FOXP1: variants seen among roughly 807,000 people sequenced by gnomAD.
The protein encoded by FOXP1 is forkhead box protein P1.
FOXP1 carries 15 observed loss-of-function variants against 98.2 expected under a neutral mutation model. That is an observed-to-expected ratio of 0.15 (90% confidence interval 0.10 to 0.24). The LOEUF (loss-of-function observed/expected upper bound fraction) is 0.24, where lower values mean the gene tolerates loss of function less well. Ranked by LOEUF, FOXP1 falls within the 10% of genes least tolerant of loss-of-function variation. FOXP1 has a pLI of 1.00. For missense variants in FOXP1, 633 were observed against 848.5 expected, an observed-to-expected ratio of 0.75 and a Z score of 3.15; for synonymous variants, 371 against 314.5, an observed-to-expected ratio of 1.18 and a Z score of -1.90.
chr3:71,251,367 C>T (rs994708592), intron 5 of FOXP1, among the ~76,000 whole-genome samples: 1 of 152,196 alleles, frequency 6.6e-6, no homozygotes, highest in Non-Finnish European at 1.5e-5. Context: ...AAAATGCACA[C>T]AATTCAGGTG....
At chr3:70,998,623 T>A (rs2041710612) in intron 13 of FOXP1, among the ~76,000 whole-genome samples, 3 of 152,166 alleles carry the variant, frequency 2.0e-5, no homozygotes, top group Admixed American at 1.3e-4. Context: ...TCTGGCCAGA[T>A]CATCTTTGAT....
intron 7 of FOXP1, among the ~76,000 whole-genome samples, chr3:71,096,766 A>C (rs1011600040): frequency 1.8e-4 from 28 of 152,208 alleles, no homozygotes; most frequent in African/African-American, 5.8e-4. Flanking sequence ...CAGAAGGACG[A>C]GAGTAAAGTG....
At chr3:71,574,247 A>G (rs780367438) in intron 2 of FOXP1, 36 of 152,360 alleles carry the variant, frequency 2.4e-4, no homozygotes, top group Non-Finnish European at 4.3e-4. Context: ...TTTGGCAGCT[A>G]TTAAAATAAA....
intron 2 of FOXP1, among the ~76,000 whole-genome samples, chr3:71,534,094 T>C (rs2044088438): frequency 6.6e-6 from 1 of 152,182 alleles, no homozygotes. Flanking sequence ...CTGTGCGCGG[T>C]GGCAAACGCC....
intron 6 of FOXP1, among the ~76,000 whole-genome samples, chr3:71,128,636 G>C (rs143638815): frequency 6.6e-6 from 1 of 152,032 alleles, no homozygotes; most frequent in Non-Finnish European, 1.5e-5. Context: ...TATAGCCTTC[G>C]ACAAAACGGT....
chr3:71,164,856 C>G (rs1157566590), intron 6 of FOXP1, among the ~76,000 whole-genome samples: 1 of 152,178 alleles, frequency 6.6e-6, no homozygotes, highest in African/African-American at 2.4e-5. Context: ...CAATGTCCCC[C>G]CTCTTCCTAC....
rs191567137 is a variant in FOXP1 at position 71,162,830 on chromosome 3, T to C, written c.180+35372A>G. On this transcript the variant is annotated intron_variant, in intron 6 of 20. Coordinates refer to ENST00000649528, the MANE Select transcript of FOXP1 (RefSeq NM_001349338.3). ...CCTTGTCTACTGATAGTCTAGCTAC[T>C]GGGTACTTGAGTTGAAGGCTGATCT... 4.6e-5 allele frequency among the ~76,000 whole-genome samples: 7 copies of C among 152,346 alleles called. No homozygotes were observed. In the East Asian group the frequency reaches 9.6e-4, roughly 21 times the overall value.
intron 13 of FOXP1, among the ~76,000 whole-genome samples, chr3:70,998,731 C>G (rs1057280996): frequency 6.6e-6 from 1 of 152,104 alleles, no homozygotes; most frequent in Non-Finnish European, 1.5e-5. Flanking sequence ...ATCAAAGAAT[C>G]CTTGTATGTT....
At chr3:71,388,312 T>A (rs2080753847) in intron 3 of FOXP1, among the ~76,000 whole-genome samples, 1 of 152,228 alleles carries the variant, frequency 6.6e-6, no homozygotes, top group South Asian at 2.1e-4. Context: ...CCCAATTGTC[T>A]TACCTAGCAG....
chr3:71,524,539 T>TAAAAAAAAAAAAA (rs35974535), intron 2 of FOXP1, among the ~76,000 whole-genome samples: 1 of 128,904 alleles, frequency 7.8e-6, no homozygotes. Context: ...AAATAAATCT[T>TAAAAAAAAAAAAA]AAAAAAAAAA....
intron 2 of FOXP1, 50 bp downstream of exon 2, chr3:71,581,499 G>T (rs1169359134): frequency 1.3e-5 from 13 of 985,326 alleles, no homozygotes; most frequent in Admixed American, 6.1e-5. Flanking sequence ...AGTGCCGCCT[G>T]GGGCTCTCCG....
chr3:71,284,975 T>A (rs1313585688), intron 5 of FOXP1, among the ~76,000 whole-genome samples: 5 of 152,148 alleles, frequency 3.3e-5, no homozygotes, highest in Admixed American at 3.3e-4. Context: ...TCAGAAAAAA[T>A]TAACTTCATA....
intron 6 of FOXP1, among the ~76,000 whole-genome samples, chr3:71,116,347 G>A (rs796462464): frequency 1.8e-4 from 27 of 152,150 alleles, no homozygotes; most frequent in African/African-American, 6.3e-4. Context: ...CAAGCACGGG[G>A]GGAAAAGGTT....
chr3:71,580,404 A>G (rs1423300310), intron 2 of FOXP1, among the ~76,000 whole-genome samples: 2 of 31,066 alleles, frequency 6.4e-5, no homozygotes, highest in East Asian at 4.1e-4. Context: ...CAGAGGGGGG[A>G]AAAAAACAGT....
At chr3:71,162,075 A>C (rs1351987004) in intron 6 of FOXP1, among the ~76,000 whole-genome samples, 1 of 152,198 alleles carries the variant, frequency 6.6e-6, no homozygotes, top group Non-Finnish European at 1.5e-5. Context: ...AAAAAGAATA[A>C]TGATAGCCAC....
intron 4 of FOXP1, among the ~76,000 whole-genome samples, chr3:71,317,914 T>A (rs1484448808): frequency 2.0e-5 from 3 of 152,248 alleles, no homozygotes; most frequent in East Asian, 3.8e-4. Flanking sequence ...TTAGTTTACA[T>A]ACTTTTCAGT....
At chr3:71,183,174 T>C (rs2062432309) in intron 6 of FOXP1, among the ~76,000 whole-genome samples, 1 of 152,058 alleles carries the variant, frequency 6.6e-6, no homozygotes, top group South Asian at 2.1e-4. Flanking sequence ...ATGATGATCA[T>C]GGCGGTGGTG....
At chr3:71,159,199 A>G (rs2061011491) in intron 6 of FOXP1, among the ~76,000 whole-genome samples, 1 of 152,098 alleles carries the variant, frequency 6.6e-6, no homozygotes, top group Non-Finnish European at 1.5e-5. Context: ...TAATGTATAA[A>G]GGACCTGCTT....
In FOXP1 at chr3:70,959,127, G is replaced by C. The variant is rs374543661; in HGVS notation, c.*120C>G. On this transcript the variant is annotated 3_prime_UTR_variant, in exon 21 of 21. Coordinates refer to ENST00000649528, the MANE Select transcript of FOXP1 (RefSeq NM_001349338.3). ...TAACACATTTCAGAGTTGTCAAAAC[G>C]TAGTGAAAATCCTCCAGACTGTACA... is the stretch of plus-strand genomic sequence containing the variant. The C allele has an allele frequency of 8.7e-7, 1 of 1,150,600 alleles. No homozygotes were observed. Among genetic ancestry groups the C allele is most frequent in the South Asian group, 1.3e-5 (1 of 77,206 alleles). The allele number at this position is 1,150,600 out of a possible 1,614,324, so 71.3% of individuals were successfully genotyped here.
Sources: gnomAD v4.1 joint callset for allele counts (sites outside exome capture counted in the v4.1 genomes callset) on GRCh38, gnomAD v4.1.1 for gene constraint, MANE v1.5 for transcripts, NCBI Gene and HGNC (gene_info 2026-07-23, HGNC 2026-07-21) for gene names.